The following SLC36A1 variants were observed in gnomAD, a reference collection of about 807,000 sequenced individuals.
SLC36A1 encodes the protein solute carrier family 36 member 1, also known as proton-coupled amino acid transporter 1.
A neutral mutation model predicts 47.5 loss-of-function variants in SLC36A1; 30 were observed. The observed-to-expected ratio is 0.63, with a 90% confidence interval of 0.47 to 0.86. The LOEUF is 0.86. Among genes scored for constraint, SLC36A1 ranks in the 40% least tolerant of loss-of-function variants. The pLI, the probability that SLC36A1 is intolerant of heterozygous loss-of-function variation, is 0.00. For missense variants in SLC36A1, 517 were observed against 606.0 expected (o/e 0.85, Z 1.54); for synonymous variants, 255 against 249.7 (o/e 1.02, Z -0.20).
chr5:151,529,596 C>T, the SLC36A1 span, among the ~76,000 whole-genome samples: 1 of 152,114 alleles, frequency 6.6e-6, no homozygotes, highest in African/African-American at 2.4e-5. Context: ...TATTATTATT[C>T]ACAACAGCTA....
the SLC36A1 span, among the ~76,000 whole-genome samples, chr5:151,387,644 A>G: frequency 6.6e-6 from 1 of 152,146 alleles, no homozygotes; most frequent in East Asian, 1.9e-4. Flanking sequence ...CTCTATTCCC[A>G]GGGCTGGAGT....
intron 6 of SLC36A1, 135 bp from the exon 7 acceptor site, chr5:151,467,571 TG>T (rs765839753): frequency 1.3e-4 from 97 of 722,160 alleles, no homozygotes; most frequent in Non-Finnish European, 1.6e-4. Flanking sequence ...TCTCTAAAGA[TG>T]GCTCACTGGC....
chr5:151,377,435 G>A, the SLC36A1 span, among the ~76,000 whole-genome samples: 62 of 141,268 alleles, frequency 4.4e-4, no homozygotes, highest in African/African-American at 1.5e-3. Context: ...TGCAAGCTCC[G>A]CCTCCCGGGT....
chr5:151,430,162 CT>C, the SLC36A1 span, among the ~76,000 whole-genome samples: 18,863 of 130,590 alleles, frequency 0.14, 1,574 homozygotes, highest in East Asian at 0.36. Flanking sequence ...ATTAGCTAAA[CT>C]TTTTTTTTTT....
intron 10 of SLC36A1, among the ~76,000 whole-genome samples, chr5:151,483,095 CA>C (rs1346201647): frequency 6.6e-6 from 1 of 152,090 alleles, no homozygotes. Flanking sequence ...TAAGTTTTAA[CA>C]GCTTTGATCA....
the SLC36A1 span, chr5:151,544,507 A>G: frequency 1.9e-6 from 3 of 1,613,828 alleles, no homozygotes; most frequent in African/African-American, 2.7e-5. Flanking sequence ...TTCCTCCACA[A>G]TGTTGTAGAT....
At chr5:151,364,214 C>G in the SLC36A1 span, among the ~76,000 whole-genome samples, 2 of 152,008 alleles carry the variant, frequency 1.3e-5, no homozygotes, top group African/African-American at 2.4e-5. Context: ...CATGACCTAC[C>G]TAGCTTTTCT....
intron 2 of SLC36A1, among the ~76,000 whole-genome samples, chr5:151,459,424 A>T (rs537141301): frequency 1.3e-5 from 2 of 152,196 alleles, no homozygotes; most frequent in Non-Finnish European, 2.9e-5. Context: ...TTCTCCAAAG[A>T]GGGCTTAATC....
the SLC36A1 span, among the ~76,000 whole-genome samples, chr5:151,501,096 G>A: frequency 6.6e-6 from 1 of 152,188 alleles, no homozygotes; most frequent in African/African-American, 2.4e-5. Flanking sequence ...CTGGAATTCC[G>A]GCTGTGAGAC....
At chr5:151,402,991 C>G in the SLC36A1 span, among the ~76,000 whole-genome samples, 3,548 of 151,970 alleles carry the variant, frequency 0.023, 122 homozygotes, top group East Asian at 0.14. Context: ...TGGATTTTTG[C>G]GGTCTCAATA....
At chr5:151,497,856 G>A in the SLC36A1 span, among the ~76,000 whole-genome samples, 1 of 152,106 alleles carries the variant, frequency 6.6e-6, no homozygotes, top group Non-Finnish European at 1.5e-5. Context: ...GTGGGGGATG[G>A]GGTGGAAATT....
At chr5:151,366,979 A>G in the SLC36A1 span, among the ~76,000 whole-genome samples, 3 of 152,284 alleles carry the variant, frequency 2.0e-5, no homozygotes, top group East Asian at 5.8e-4. Context: ...CAAAGATCAC[A>G]TGCTTCAAAG....
intron 1 of SLC36A1, among the ~76,000 whole-genome samples, chr5:151,449,621 T>G (rs1021108218): frequency 6.6e-6 from 1 of 152,224 alleles, no homozygotes; most frequent in African/African-American, 2.4e-5. Flanking sequence ...GGATTCCATT[T>G]ATTTTATAAT....
chr5:151,406,298 G>T, the SLC36A1 span, among the ~76,000 whole-genome samples: 2 of 152,198 alleles, frequency 1.3e-5, no homozygotes, highest in Non-Finnish European at 2.9e-5. Flanking sequence ...GATTCAGAGA[G>T]ATTTTAAAAC....
chr5:151,383,773 A>G, the SLC36A1 span, among the ~76,000 whole-genome samples: 1 of 151,992 alleles, frequency 6.6e-6, no homozygotes, highest in Non-Finnish European at 1.5e-5. Context: ...GGGTTTCACC[A>G]TGTTGGCCAG....
chr5:151,545,630 T>C, the SLC36A1 span: 3 of 1,614,196 alleles, frequency 1.9e-6, no homozygotes, highest in Non-Finnish European at 2.5e-6. Context: ...AAAGAGGGCA[T>C]GCTCTCATAA....
intron 1 of SLC36A1, among the ~76,000 whole-genome samples, chr5:151,438,558 G>A (rs951216231): frequency 6.6e-6 from 1 of 152,158 alleles, no homozygotes; most frequent in Non-Finnish European, 1.5e-5. Context: ...TTGTTCTTTT[G>A]TTGAGCTCCT....
the SLC36A1 span, chr5:151,545,259 A>T: frequency 6.2e-7 from 1 of 1,614,142 alleles, no homozygotes; most frequent in Non-Finnish European, 8.5e-7. Context: ...GGGTCAAAGA[A>T]ATTTTTACCA....
chr5:151,539,422 C>T, the SLC36A1 span, among the ~76,000 whole-genome samples: 39 of 152,136 alleles, frequency 2.6e-4, no homozygotes, highest in East Asian at 4.1e-3. Context: ...GAATTTGTTA[C>T]GTATAGTTGC....
Sources: gnomAD v4.1 joint callset for allele counts (sites outside exome capture counted in the v4.1 genomes callset) on GRCh38, gnomAD v4.1.1 for gene constraint, MANE v1.5 for transcripts, NCBI Gene and HGNC (gene_info 2026-07-23, HGNC 2026-07-21) for gene names.